Variants in PLEC observed in about 807,000 individuals in gnomAD.
PLEC encodes hemidesmosomal protein 1.
In PLEC, 216 loss-of-function variants were observed where a neutral mutation model predicts 392.8. The observed-to-expected ratio is 0.55, with a 90% CI of 0.49 to 0.62. The LOEUF (loss-of-function observed/expected upper bound fraction) is 0.62. PLEC is among the 20% of genes least tolerant of loss of function. The probability of loss-of-function intolerance (pLI) is 0.00; values close to 1 mark genes in which losing one functional copy is unlikely to be tolerated. For missense variants in PLEC, 6,863 were observed against 6,563.4 expected (o/e 1.05, Z -1.58); for synonymous variants, 3,621 against 2,980.6 (o/e 1.21, Z -7.00).
Position 143,920,243 on chromosome 8 carries a change from C to T in PLEC, c.9578G>A (p.Gly3193Asp). ...DPSTGEPATY[G>D]ELQQRCRPDQ... is the part of the protein sequence containing the mutation. ...GGGCCGGCACCGCTGCTGGAGCTCGCCGTAGGTGGCCGGCTCCCCTGTGCT... is the reference window on the plus strand; with the variant it reads ...GGGCCGGCACCGCTGCTGGAGCTCGTCGTAGGTGGCCGGCTCCCCTGTGCT... The change falls in exon 32 of 32, where the codon GGC (glycine) becomes GAC (aspartate). Residue 3193 changes from glycine (G) to aspartate (D), a missense_variant. Physicochemically the swap from Gly to Asp is moderately conservative, Grantham distance 94. Coordinates refer to ENST00000345136, the MANE Select transcript of PLEC (RefSeq NM_201384.3). 5 of 1,600,216 alleles carry T rather than the reference C, an allele frequency of 3.1e-6. No homozygotes were observed. The highest frequency in any genetic ancestry group is 4.5e-5 in the East Asian group (2 of 44,666).
rs1554691452 is a variant in PLEC, at chr8:143,923,141, T to C, written c.6788A>G (p.Gln2263Arg). Residue 2263 changes from glutamine to arginine, a missense_variant, in exon 31 of 32, where the codon CAG becomes CGG. Physicochemically the swap from Gln to Arg is conservative, Grantham distance 43. Coordinates refer to ENST00000345136, the MANE Select transcript of PLEC (RefSeq NM_201384.3). ...CTCAGCCTCCTCCTGCAGGAAGCGC[T>C]GCGTATTGTCCTTGTCACGCAAGAT... ...ALILRDKDNT[Q>R]RFLQEEAEKM... 1 of 1,603,376 alleles carries C rather than the reference T, an allele frequency of 6.2e-7. No homozygotes were observed. Among genetic ancestry groups the C allele is most frequent in the East Asian group, 2.2e-5 (1 of 44,860 alleles).
At chr8:143,945,120 G>T in intron 1 of PLEC, 4 of 412,490 alleles carry the variant, frequency 9.7e-6, no homozygotes, top group Non-Finnish European at 1.9e-5. Context: ...AAGAGAAGAG[G>T]CCGCCCATTC....
At position 143,963,022 on chromosome 8, in the gene PLEC, C is replaced by T. The variant is rs149075767; in HGVS notation, c.70+10381G>A. 7.7e-4 allele frequency among the ~76,000 whole-genome samples: 117 copies of T among 152,238 alleles called. 2 individuals are homozygous for T. The East Asian group carries it at 0.02, about 26-fold the overall frequency. ...AGATGAGGTATGTGACTCATGGGTC[C>T]ATTCACTCATCTCAACAGAAGCCAG... On this transcript the variant is annotated intron_variant, in intron 1 of 31. Transcript: ENST00000356346.
At chr8:143,972,555 A>C (rs554691886) in intron 1 of PLEC, among the ~76,000 whole-genome samples, 1 of 152,352 alleles carries the variant, frequency 6.6e-6, no homozygotes, top group South Asian at 2.1e-4. Context: ...CAGAGCCAGC[A>C]AAACCAGCCA....
In PLEC at chr8:143,924,575, G is replaced by C. The variant is rs1349782748; in HGVS notation, c.5354C>G (p.Ser1785Cys). ...GGCCTCGGCCTCCAGCCTCTGCTTG[G>C]ACTTCTCGCTGGTGGAGCGCGACTC... is the stretch of plus-strand genomic sequence containing the variant. ...EEESRSTSEK[S>C]KQRLEAEAGR... Residue 1785 changes from serine to cysteine, a missense_variant, in exon 31 of 32, where the codon TCC becomes TGC. Physicochemically the swap from Ser to Cys is moderately radical, Grantham distance 112. Coordinates refer to ENST00000345136, the MANE Select transcript of PLEC (RefSeq NM_201384.3). 33 of 1,551,802 alleles carry C rather than the reference G, an allele frequency of 2.1e-5. No individual in the cohort carries two copies. The highest frequency in any genetic ancestry group is 2.7e-5 in the Non-Finnish European group (31 of 1,156,138).
chr8:143,946,990 C>T (rs1385359500), intron 1 of PLEC, among the ~76,000 whole-genome samples: 3 of 152,154 alleles, frequency 2.0e-5, no homozygotes, highest in African/African-American at 7.2e-5. Flanking sequence ...CACCCAGGTG[C>T]TTGCTGACCA....
chr8:143,922,344 G>A lies in PLEC; in HGVS notation c.7477C>T (p.Gln2493Ter). ...QLLQETQALQ[Q>*]SFLSEKDSLL... is the part of the protein sequence containing the mutation. The stretch of plus-strand genomic sequence containing the variant: ...CTGTCCTTTTCAGAGAGGAAGCTTT[G>A]CTGCAGGGCCTGCGTCTCCTGCAGC... The change falls in exon 32 of 32, where the codon CAA becomes TAA. Residue 2493 changes from glutamine (Q) to a stop codon, truncating the protein, a stop_gained. Coordinates refer to ENST00000345136, the MANE Select transcript of PLEC (RefSeq NM_201384.3). LOFTEE classifies it low-confidence loss of function (END_TRUNC). 1 of 1,605,768 alleles carries A rather than the reference G, an allele frequency of 6.2e-7. No homozygotes were observed. Among genetic ancestry groups the A allele is most frequent in the Non-Finnish European group, 8.5e-7 (1 of 1,179,974 alleles).
upstream of PLEC, chr8:143,942,360 T>A: frequency 6.3e-7 from 1 of 1,598,988 alleles, no homozygotes. Flanking sequence ...TGGTGGCCCC[T>A]TCTGTGCCAC....
Position 143,932,804 on chromosome 8 carries a change from G to A in PLEC, c.1726C>T (p.Arg576Trp), listed in dbSNP as rs201837064. 20 of 1,612,292 alleles carry A rather than the reference G, an allele frequency of 1.2e-5. No homozygotes were observed. The highest frequency in any genetic ancestry group is 4.5e-5 in the East Asian group (2 of 44,858). The change falls in exon 14 of 32, where the codon CGG becomes TGG. Residue 576 changes from arginine (R) to tryptophan (W), a missense_variant. Coordinates refer to ENST00000345136, the MANE Select transcript of PLEC (RefSeq NM_201384.3). Reference protein sequence around the residue: ...EEFRAKIERARSDEGQLSPAT... With the variant: ...EEFRAKIERAWSDEGQLSPAT... ...TCAGCGCCACCCACCTCGTCACTCC[G>A]TGCCCGCTCGATCTTGGCCCGGAAT...
At position 143,932,416 on chromosome 8, in the gene PLEC, T is replaced by C. The variant is rs1179346403; in HGVS notation, c.1961A>G (p.Lys654Arg). Reference protein sequence around the residue: ...WSDRNTNMTAKKESYSALMRE... With the variant: ...WSDRNTNMTARKESYSALMRE... ...ACCGCTCACCGAGTAGCTCTCCTTC[T>C]TGGCGGTCATGTTGGTGTTGCGGTC... Residue 654 changes from lysine to arginine, a missense_variant, in exon 16 of 32, where the codon AAG becomes AGG. Physicochemically the swap from Lys to Arg is conservative, Grantham distance 26. Transcript: ENST00000345136. The C allele has an allele frequency of 6.2e-7, 1 of 1,612,838 alleles. No homozygotes were observed. The highest frequency in any genetic ancestry group is 1.3e-5 in the African/African-American group (1 of 74,932).
At chr8:143,946,217 A>C in intron 1 of PLEC, 1 of 536,594 alleles carries the variant, frequency 1.9e-6, no homozygotes, top group Non-Finnish European at 3.0e-6. Flanking sequence ...CAGCTCCGAG[A>C]GGGGGCTGTG....
At chr8:143,975,272 A>G, upstream of PLEC, 1 of 1,609,572 alleles carries the variant, frequency 6.2e-7, no homozygotes, top group Non-Finnish European at 8.5e-7. The surrounding 1 kb of genome is among the most constrained non-coding windows in gnomAD (Gnocchi z 9.9). Context: ...CGTTTTCCCA[A>G]GGTTCCAGGG....
chr8:143,929,955 C>A lies in PLEC; in HGVS notation c.2720G>T (p.Arg907Leu), dbSNP rs374310349. The A allele has an allele frequency of 3.7e-6, 6 of 1,610,622 alleles. No homozygotes were observed. The African/African-American group carries it at 6.7e-5, about 18-fold the overall frequency. ...GCGTACCGTGGCCAGGGACCAGGAGCGGATGAGCTGCACGTCGCGGCGAAG... is the reference window on the plus strand; with the variant it reads ...GCGTACCGTGGCCAGGGACCAGGAGAGGATGAGCTGCACGTCGCGGCGAAG... ...QSLRRDVQLI[R>L]SWSLATFRTL... The change falls in exon 22 of 32, where the codon CGC becomes CTC. Residue 907 changes from arginine to leucine, a missense_variant. Coordinates refer to ENST00000345136, the MANE Select transcript of PLEC (RefSeq NM_201384.3).
upstream of PLEC, among the ~76,000 whole-genome samples, chr8:143,942,801 G>A (rs1205922052): frequency 6.6e-6 from 1 of 152,250 alleles, no homozygotes; most frequent in African/African-American, 2.4e-5. Context: ...CCTCCCAGCA[G>A]GATGTGCGGT....
chr8:143,924,441 C>T lies in PLEC; in HGVS notation c.5488G>A (p.Glu1830Lys), dbSNP rs1554697350. 20 of 1,570,596 alleles carry T rather than the reference C, an allele frequency of 1.3e-5. No individual in the cohort carries two copies. The highest frequency in any genetic ancestry group is 2.4e-5 in the East Asian group (1 of 42,514). The change falls in exon 31 of 32, where the codon GAG becomes AAG. Residue 1830 changes from glutamate (E) to lysine (K), a missense_variant. Glu to Lys is a moderately conservative substitution (Grantham distance 56, BLOSUM62 1). Transcript: ENST00000345136. ...AEEDAARQRA[E>K]AERVLAEKLA... The stretch of plus-strand genomic sequence containing the variant: ...TTCTCCGCAAGCACCCGCTCCGCCT[C>T]GGCCCGCTGCCGCGCCGCGTCTTCC...
chr8:143,952,114 G>T (rs1464924315), upstream of PLEC, among the ~76,000 whole-genome samples: 2 of 152,118 alleles, frequency 1.3e-5, no homozygotes, highest in Non-Finnish European at 2.9e-5. Flanking sequence ...GCCGGCAGGC[G>T]GCCAACAAGC....
At chr8:143,948,172 G>A (rs1313581094) in intron 1 of PLEC, among the ~76,000 whole-genome samples, 2 of 152,236 alleles carry the variant, frequency 1.3e-5, no homozygotes, top group East Asian at 1.9e-4. Flanking sequence ...GCACAGGGAG[G>A]GCAGGGGCCT....
upstream of PLEC, chr8:143,939,734 C>A: frequency 5.4e-6 from 6 of 1,106,144 alleles, no homozygotes; most frequent in Non-Finnish European, 7.3e-6. Context: ...CCCCCACAGA[C>A]ACGCCCTCGG....
At chr8:143,973,625 G>T (rs1554745130), upstream of PLEC, 1 of 761,614 alleles carries the variant, frequency 1.3e-6, no homozygotes, top group Non-Finnish European at 1.6e-6. The surrounding 1 kb of genome is among the most constrained non-coding windows in gnomAD (Gnocchi z 5.6). Flanking sequence ...GGGCGGGGCC[G>T]GGGCCGCCGC....
Sources: allele counts gnomAD v4.1 joint callset (sites outside exome capture counted in the v4.1 genomes callset), GRCh38; gene constraint gnomAD v4.1.1; non-coding constraint Gnocchi (gnomAD v3.1); transcripts MANE v1.5; gene names NCBI Gene and HGNC (gene_info 2026-07-23, HGNC 2026-07-21).